MYOM2: variants seen among roughly 807,000 people sequenced by gnomAD.
The protein encoded by MYOM2 is myomesin-2.
Under a neutral mutation model 187.6 loss-of-function variants are expected in MYOM2, and 254 were observed. That is an observed-to-expected ratio of 1.35 (90% confidence interval 1.22 to 1.50). MYOM2 has a LOEUF of 1.50. MYOM2 is among the 40% of genes most tolerant of loss of function. The probability of loss-of-function intolerance (pLI) is 0.00; values close to 1 mark genes in which losing one functional copy is unlikely to be tolerated. For synonymous variants in MYOM2, 981 were observed against 753.8 expected (o/e 1.30, Z -4.94); for missense variants, 2,796 against 1,924.0 (o/e 1.45, Z -8.48).
At chr8:2,074,240 C>T (rs1286577082) in intron 10 of MYOM2, among the ~76,000 whole-genome samples, 8 of 152,150 alleles carry the variant, frequency 5.3e-5, no homozygotes, top group Admixed American at 4.6e-4. Flanking sequence ...TATATATAAG[C>T]TGGAATTCTT....
chr8:2,106,697 T>A (rs1796906624), intron 23 of MYOM2, 100 bp downstream of exon 23: 1 of 879,534 alleles, frequency 1.1e-6, no homozygotes, highest in African/African-American at 1.7e-5. Flanking sequence ...AAAAAAGACG[T>A]ATGTTTGCAG....
chr8:2,132,490 C>A (rs1315845203), intron 32 of MYOM2, among the ~76,000 whole-genome samples: 2 of 152,172 alleles, frequency 1.3e-5, no homozygotes, highest in African/African-American at 4.8e-5. Context: ...ATTAATATAT[C>A]ATCTAGACAT....
At position 2,086,339 on chromosome 8, in the gene MYOM2, T is replaced by A. The variant is rs1274459021; in HGVS notation, c.1644+949T>A. On this transcript the variant is annotated intron_variant, in intron 14 of 36. Transcript: ENST00000262113. ...TCGTGATCTCTGCGTGGCCCCCCAC[T>A]GTTGTGATCTCTGCGTGGCCTCCCA... 3.5e-3 allele frequency among the ~76,000 whole-genome samples: 200 copies of A among 56,456 alleles called. 52 individuals are homozygous for A. The highest frequency in any genetic ancestry group is 9.1e-3 in the Middle Eastern group (1 of 110). The allele number at this position is 56,456 out of a possible 152,430, so 37.0% of individuals were successfully genotyped here.
At chr8:2,139,785 G>A (rs746860774) in intron 32 of MYOM2, among the ~76,000 whole-genome samples, 1 of 152,170 alleles carries the variant, frequency 6.6e-6, no homozygotes, top group Admixed American at 6.5e-5. Flanking sequence ...CTGAAGTAAT[G>A]TTAGGAAATA....
chr8:2,101,579 C>G (rs984604014), intron 20 of MYOM2, among the ~76,000 whole-genome samples: 3 of 152,178 alleles, frequency 2.0e-5, no homozygotes, highest in African/African-American at 7.2e-5. Context: ...CTTGAGGACG[C>G]AGAGCCCTCC....
chr8:2,099,217 G>C (rs1277537379), intron 19 of MYOM2, among the ~76,000 whole-genome samples: 1 of 152,256 alleles, frequency 6.6e-6, no homozygotes, highest in African/African-American at 2.4e-5. Flanking sequence ...AGAGTAGGAG[G>C]CCCTGAGGGT....
intron 11 of MYOM2, among the ~76,000 whole-genome samples, chr8:2,077,114 A>G (rs993096721): frequency 2.0e-5 from 3 of 152,188 alleles, no homozygotes; most frequent in Non-Finnish European, 4.4e-5. Flanking sequence ...GATCAAGAGC[A>G]TGCTGGCCAG....
intron 14 of MYOM2, among the ~76,000 whole-genome samples, chr8:2,088,911 T>G (rs1796189252): frequency 1.3e-5 from 2 of 152,234 alleles, no homozygotes; most frequent in African/African-American, 4.8e-5. Context: ...TGGACCCATA[T>G]TCTGATGTAG....
intron 31 of MYOM2, 141 bp downstream of exon 31, chr8:2,124,358 G>T: frequency 1.3e-6 from 1 of 756,204 alleles, no homozygotes; most frequent in Non-Finnish European, 2.1e-6. Flanking sequence ...GAAGGGCAGG[G>T]TGGTGATCTG....
At position 2,070,976 on chromosome 8, in the gene MYOM2, A is replaced by G. The variant is rs186702568; in HGVS notation, c.794-1369A>G. On this transcript the variant is annotated intron_variant, in intron 8 of 36. Coordinates refer to ENST00000262113, the MANE Select transcript of MYOM2 (RefSeq NM_003970.4). Reference sequence around the variant, plus strand: ...TTAAATTTTTTATTTTTATTTATTTATTTATTTTTGAGACAGGGTCTCACT... The same window carrying G: ...TTAAATTTTTTATTTTTATTTATTTGTTTATTTTTGAGACAGGGTCTCACT... Among the ~76,000 whole-genome samples, 232 of 151,684 alleles carry G rather than the reference A, an allele frequency of 1.5e-3. 1 individual carries two copies. The highest frequency in any genetic ancestry group is 5.4e-3 in the African/African-American group (224 of 41,356).
At chr8:2,133,746 C>T (rs536239635) in intron 32 of MYOM2, among the ~76,000 whole-genome samples, 21 of 151,240 alleles carry the variant, frequency 1.4e-4, no homozygotes, top group Non-Finnish European at 2.1e-4. Context: ...CAGGTGTGAG[C>T]CACAGTGTCT....
At chr8:2,067,841 G>A (rs1468300260) in intron 6 of MYOM2, among the ~76,000 whole-genome samples, 1 of 152,144 alleles carries the variant, frequency 6.6e-6, no homozygotes, top group African/African-American at 2.4e-5. Context: ...CCTTGAGTGG[G>A]TGATTCATGT....
At chr8:2,079,219 G>C (rs1290317343) in intron 12 of MYOM2, among the ~76,000 whole-genome samples, 1 of 152,076 alleles carries the variant, frequency 6.6e-6, no homozygotes, top group East Asian at 1.9e-4. Flanking sequence ...TTATTCCATT[G>C]GTGATATAAT....
intron 24 of MYOM2, 110 bp from the exon 25 acceptor site, chr8:2,109,285 A>T: frequency 7.9e-7 from 1 of 1,267,452 alleles, no homozygotes; most frequent in Non-Finnish European, 1.1e-6. Context: ...CCAGGGTTTC[A>T]CATTCTCAAA....
In MYOM2 at chr8:2,106,386, C is replaced by T. The variant is rs765609218; in HGVS notation, c.2879C>T (p.Thr960Ile). The change falls in exon 22 of 37, where the codon ACC becomes ATC. Residue 960 changes from threonine to isoleucine, a missense_variant. By Grantham distance (89) the Thr-to-Ile change is moderately conservative. Transcript: ENST00000262113. ...ISDDERFKIETVGDHSKLYLK... is the reference protein window; with the variant it reads ...ISDDERFKIEIVGDHSKLYLK... ...GATGATGAGAGGTTTAAAATTGAAA[C>T]CGTGGGGGATCAGTAAGTGAGGCCT... 25 of 1,613,898 alleles carry T rather than the reference C, an allele frequency of 1.5e-5. No individual in the cohort carries two copies. In the East Asian group the frequency reaches 3.6e-4, roughly 23 times the overall value.
At position 2,142,390 on chromosome 8, in the gene MYOM2, A is replaced by G. The variant is rs527299626; in HGVS notation, c.4017A>G (p.Ala1339=). 7.4e-6 allele frequency: 12 copies of G among 1,613,788 alleles called. No individual in the cohort carries two copies. Among genetic ancestry groups the G allele is most frequent in the African/African-American group, 5.3e-5 (4 of 75,038 alleles). The change falls in exon 35 of 37, where the codon GCA becomes GCG. Residue 1339 remains alanine (A), a synonymous_variant. Transcript: ENST00000262113. ...EFQQFKAAAF[A]EKNRGRLIGG... is the part of the protein sequence containing the mutation. ...TAACTTTTAGAGCTGCTGCTTTTGC[A>G]GAGAAGAGTAAGTACCTGTTGGATT...
At chr8:2,114,304 G>T (rs1234498623) in intron 25 of MYOM2, among the ~76,000 whole-genome samples, 1 of 152,216 alleles carries the variant, frequency 6.6e-6, no homozygotes, top group Non-Finnish European at 1.5e-5. Context: ...GTGATACAGT[G>T]TAACCTAGAA....
Position 2,086,331 on chromosome 8 carries a change from CCCCCCA to C in MYOM2, c.1644+943_1644+948del, listed in dbSNP as rs1796047006. Among the ~76,000 whole-genome samples the C allele has an allele frequency of 8.0e-5, 8 of 99,664 alleles. 1 individual carries two copies. Among genetic ancestry groups the C allele is most frequent in the African/African-American group, 3.1e-4 (7 of 22,940 alleles). The allele number at this position is 99,664 out of a possible 152,430, so 65.4% of individuals were successfully genotyped here. ...CCCCACAGTCGTGATCTCTGCGTGG[CCCCCCA>C]CTGTTGTGATCTCTGCGTGGCCTCC... On this transcript the variant is annotated intron_variant, in intron 14 of 36. Transcript: ENST00000262113.
chr8:2,067,853 T>C (rs1819068364), intron 6 of MYOM2, among the ~76,000 whole-genome samples: 1 of 152,154 alleles, frequency 6.6e-6, no homozygotes, highest in African/African-American at 2.4e-5. Context: ...GATTCATGTC[T>C]TGGGATCATA....
Sources: gnomAD v4.1 joint callset for allele counts (sites outside exome capture counted in the v4.1 genomes callset) on GRCh38, gnomAD v4.1.1 for gene constraint, MANE v1.5 for transcripts, NCBI Gene and HGNC (gene_info 2026-07-23, HGNC 2026-07-21) for gene names.